Variants in NFIB observed in about 807,000 individuals in gnomAD.
NFIB encodes nuclear factor I B.
A neutral mutation model predicts 61.5 loss-of-function variants in NFIB; 11 were observed. That is an observed-to-expected ratio of 0.18 (90% CI 0.11 to 0.30). NFIB has a LOEUF of 0.30. Among genes scored for constraint, NFIB ranks in the 10% least tolerant of loss-of-function variants. The pLI, the probability that NFIB is intolerant of heterozygous loss-of-function variation, is 1.00. For missense variants in NFIB, 471 were observed against 608.9 expected (o/e 0.77, Z 2.38); for synonymous variants, 260 against 216.5 (o/e 1.20, Z -1.76).
At chr9:14,129,134 A>C in intron 6 of NFIB, among the ~76,000 whole-genome samples, 1 of 152,198 alleles carries the variant, frequency 6.6e-6, no homozygotes, top group East Asian at 1.9e-4. Flanking sequence ...AAAAGGAACC[A>C]CAAACTCTTT....
At chr9:14,390,036 C>G (rs1222664548) in intron 1 of NFIB, among the ~76,000 whole-genome samples, 2 of 152,158 alleles carry the variant, frequency 1.3e-5, no homozygotes, top group Non-Finnish European at 2.9e-5. Context: ...GTGCCATTGT[C>G]TTAAACCCTA....
intron 6 of NFIB, among the ~76,000 whole-genome samples, chr9:14,143,307 T>C (rs1000789467): frequency 6.6e-6 from 1 of 152,030 alleles, no homozygotes; most frequent in African/African-American, 2.4e-5. Context: ...GTTAATATTT[T>C]GCCTGATTTA....
intron 6 of NFIB, among the ~76,000 whole-genome samples, chr9:14,135,749 G>T (rs2040968243): frequency 1.3e-5 from 2 of 152,066 alleles, no homozygotes; most frequent in South Asian, 4.1e-4. Flanking sequence ...GAGGAGATAA[G>T]ATGTCATCTT....
intron 1 of NFIB, among the ~76,000 whole-genome samples, chr9:14,383,115 C>G (rs575415581): frequency 6.6e-6 from 1 of 152,308 alleles, no homozygotes; most frequent in South Asian, 2.1e-4. Context: ...AATAGGTTCA[C>G]TCTGTCTTTG....
At chr9:14,200,108 G>A (rs2131619818) in intron 2 of NFIB, among the ~76,000 whole-genome samples, 1 of 152,268 alleles carries the variant, frequency 6.6e-6, no homozygotes, top group East Asian at 1.9e-4. Context: ...TTAAAGGGGT[G>A]TGCTCAGTAG....
intron 10 of NFIB, among the ~76,000 whole-genome samples, chr9:14,097,646 GCATA>G (rs772096560): frequency 5.9e-4 from 90 of 152,050 alleles, no homozygotes; most frequent in Non-Finnish European, 1.1e-3. Flanking sequence ...ACATATAGAT[GCATA>G]CACACACAAA....
the NFIB span, among the ~76,000 whole-genome samples, chr9:14,410,762 G>T: frequency 6.6e-6 from 1 of 152,100 alleles, no homozygotes; most frequent in South Asian, 2.1e-4. Context: ...TAAACATGAG[G>T]TCTCTCCTGT....
chr9:14,259,130 C>G (rs767442970), intron 2 of NFIB, among the ~76,000 whole-genome samples: 30 of 152,166 alleles, frequency 2.0e-4, no homozygotes, highest in Non-Finnish European at 3.4e-4. Flanking sequence ...GCCAACTATT[C>G]AACATTCACA....
chr9:14,489,289 C>T, the NFIB span, among the ~76,000 whole-genome samples: 4 of 152,026 alleles, frequency 2.6e-5, no homozygotes, highest in African/African-American at 9.7e-5. Flanking sequence ...TAAGTTTATC[C>T]AAACATAATA....
At chr9:14,276,404 T>C (rs1213628860) in intron 2 of NFIB, among the ~76,000 whole-genome samples, 1 of 152,190 alleles carries the variant, frequency 6.6e-6, no homozygotes. Context: ...AACAGCTAAC[T>C]GGAAGACATT....
Position 14,313,603 on chromosome 9 carries a change from C to A in NFIB, c.-92G>T. ...CTATTCATTTTACAGTCATCTGAGC[C>A]CCGCGATGCGATCAATCAGGACGGG... On this transcript the variant is annotated 5_prime_UTR_variant, in exon 1 of 11. Transcript: ENST00000380953. This position sits in a 1 kb window ranked among gnomAD's most constrained non-coding sequence, Gnocchi z 4.5. 6.2e-7 allele frequency: 1 copy of A among 1,605,508 alleles called. No homozygotes were observed. The highest frequency in any genetic ancestry group is 2.2e-5 in the East Asian group (1 of 44,598).
intron 6 of NFIB, among the ~76,000 whole-genome samples, chr9:14,130,856 A>G (rs1586899422): frequency 6.6e-6 from 1 of 152,210 alleles, no homozygotes; most frequent in African/African-American, 2.4e-5. Context: ...TCCATGAATA[A>G]ATATCACCAG....
chr9:14,195,310 C>G (rs1249611868), intron 2 of NFIB, among the ~76,000 whole-genome samples: 3 of 152,184 alleles, frequency 2.0e-5, no homozygotes, highest in African/African-American at 7.2e-5. Context: ...CAATGCTTCT[C>G]TCTCCTGTGG....
At position 14,241,687 on chromosome 9, in the gene NFIB, C is replaced by T. The variant is rs552354314; in HGVS notation, c.563-61907G>A. ...TTGGATCAGGGCCCACAACCATATG[C>T]TTCCAAAGGAATAATATGTACAGGT... is the stretch of plus-strand genomic sequence containing the variant. On this transcript the variant is annotated intron_variant, in intron 2 of 10. Transcript: ENST00000380953. Among the ~76,000 whole-genome samples the T allele has an allele frequency of 9.1e-4, 139 of 152,182 alleles. 1 individual carries two copies. The highest frequency in any genetic ancestry group is 7.1e-3 in the South Asian group (34 of 4,814).
At chr9:14,137,439 T>C (rs977426517) in intron 6 of NFIB, among the ~76,000 whole-genome samples, 1 of 152,214 alleles carries the variant, frequency 6.6e-6, no homozygotes, top group Non-Finnish European at 1.5e-5. Flanking sequence ...TTTCTGAATT[T>C]TCCAAAAGAT....
upstream of NFIB, among the ~76,000 whole-genome samples, chr9:14,315,410 C>T (rs556947598): frequency 1.3e-5 from 2 of 149,796 alleles, no homozygotes; most frequent in Non-Finnish European, 3.0e-5. Flanking sequence ...GCTTCGCTCT[C>T]CTCCTCCTCC....
chr9:14,314,085 C>G lies in NFIB; in HGVS notation c.-574G>C, dbSNP rs2060423756. The G allele has an allele frequency of 4.8e-6, 5 of 1,049,488 alleles. No individual in the cohort carries two copies. In the South Asian group the frequency reaches 1.4e-4, roughly 29 times the overall value. The allele number at this position is 1,049,488 out of a possible 1,614,324, so 65.0% of individuals were successfully genotyped here. A position where few individuals can be genotyped will look rare whatever the true frequency, so the allele number is the denominator to read the frequency against. On this transcript the variant is annotated 5_prime_UTR_variant, in exon 1 of 11. Coordinates refer to ENST00000380953, the MANE Select transcript of NFIB (RefSeq NM_001190737.2). ...AGGATCCCGGAGTGGTGATCGCAGG[C>G]GAAACTTTGCCGCGAGCCGACCATG... is the stretch of plus-strand genomic sequence containing the variant.
the NFIB span, among the ~76,000 whole-genome samples, chr9:14,508,793 T>G: frequency 6.6e-6 from 1 of 152,232 alleles, no homozygotes; most frequent in Non-Finnish European, 1.5e-5. Context: ...TTCAAGCTGG[T>G]TTGGATCCCC....
Position 14,146,798 on chromosome 9 carries a change from G to C in NFIB, c.816C>G (p.Pro272=). 6 of 1,604,496 alleles carry C rather than the reference G, an allele frequency of 3.7e-6. No individual in the cohort carries two copies. The highest frequency in any genetic ancestry group is 5.1e-6 in the Non-Finnish European group (6 of 1,177,600). The change falls in exon 6 of 11, where the codon CCC becomes CCG. Residue 272 remains proline, a synonymous_variant. Transcript: ENST00000380953. ...SLSSPPSSKR[P]KTISIDENME... The stretch of plus-strand genomic sequence containing the variant: ...TATTTTCATCTATGGATATAGTTTT[G>C]GGTCTTTTGCTGTTAAAATATGGCA...
Sources: gnomAD v4.1 joint callset for allele counts (sites outside exome capture counted in the v4.1 genomes callset) on GRCh38, gnomAD v4.1.1 for gene constraint, Gnocchi (gnomAD v3.1) non-coding constraint, MANE v1.5 for transcripts, NCBI Gene and HGNC (gene_info 2026-07-23, HGNC 2026-07-21) for gene names.